Variants in EPHB1 observed in about 807,000 individuals in gnomAD.
EPHB1 encodes the protein EPH receptor B1, also known as ephrin type-B receptor 1.
Under a neutral mutation model 94.4 loss-of-function variants are expected in EPHB1, and 30 were observed. The ratio of observed to expected loss-of-function variants is 0.32; its 90% confidence interval spans 0.24 to 0.43. The LOEUF (loss-of-function observed/expected upper bound fraction) is 0.43, where lower values mean the gene tolerates loss of function less well. Ranked by LOEUF, EPHB1 falls within the 20% of genes least tolerant of loss-of-function variation. The pLI, the probability that EPHB1 is intolerant of heterozygous loss-of-function variation, is 1.00. For missense variants in EPHB1, 1,055 were observed against 1,308.3 expected (o/e 0.81, Z 2.99); for synonymous variants, 522 against 489.1 (o/e 1.07, Z -0.89).
chr3:134,951,476 A>G lies in EPHB1; in HGVS notation c.229A>G (p.Ile77Val), dbSNP rs1258501873. The G allele has an allele frequency of 8.7e-6, 14 of 1,610,394 alleles. No individual in the cohort carries two copies. The highest frequency in any genetic ancestry group is 1.2e-5 in the Non-Finnish European group (14 of 1,178,486). The change falls in exon 3 of 16, where the codon ATC becomes GTC. Residue 77 changes from isoleucine (I) to valine (V), a missense_variant. Ile to Val is a conservative substitution (Grantham distance 29). Coordinates refer to ENST00000398015, the MANE Select transcript of EPHB1 (RefSeq NM_004441.5). This position sits in a 1 kb window ranked among gnomAD's most constrained non-coding sequence, Gnocchi z 4.5. Reference sequence around the variant, plus strand: ...GAACAATTGGCTGCTCACCACCTTCATCAACCGGCGGGGGGCCCATCGCAT... The same window carrying G: ...GAACAATTGGCTGCTCACCACCTTCGTCAACCGGCGGGGGGCCCATCGCAT... Reference protein sequence around the residue: ...NQNNWLLTTFINRRGAHRIYT... With the variant: ...NQNNWLLTTFVNRRGAHRIYT...
At chr3:134,866,770 C>A (rs2037388582) in intron 1 of EPHB1, among the ~76,000 whole-genome samples, 1 of 152,218 alleles carries the variant, frequency 6.6e-6, no homozygotes. Flanking sequence ...AAGACAGATC[C>A]ATCTCTCCAG....
intron 4 of EPHB1, among the ~76,000 whole-genome samples, chr3:135,120,998 A>G (rs1421105262): frequency 6.6e-6 from 1 of 152,162 alleles, no homozygotes; most frequent in Non-Finnish European, 1.5e-5. Flanking sequence ...CAGAGGTTCC[A>G]TCCTATCTGC....
intron 12 of EPHB1, among the ~76,000 whole-genome samples, chr3:135,216,959 G>T (rs557921337): frequency 6.6e-6 from 1 of 152,108 alleles, no homozygotes. Flanking sequence ...AGGCAGTTCG[G>T]TGTGCCTGAT....
At chr3:134,992,705 CG>C (rs1559786216) in intron 3 of EPHB1, among the ~76,000 whole-genome samples, 1 of 151,864 alleles carries the variant, frequency 6.6e-6, no homozygotes, top group Non-Finnish European at 1.5e-5. Flanking sequence ...GGGGAGGAGA[CG>C]GGGAGCCTTG....
chr3:135,191,559 A>C (rs1375207768), intron 10 of EPHB1, among the ~76,000 whole-genome samples: 1 of 152,218 alleles, frequency 6.6e-6, no homozygotes, highest in Admixed American at 6.5e-5. Context: ...ACTGCTTCAC[A>C]TGAAAGAATT....
At chr3:134,915,624 C>G (rs940314125) in intron 1 of EPHB1, among the ~76,000 whole-genome samples, 3 of 152,118 alleles carry the variant, frequency 2.0e-5, no homozygotes, top group African/African-American at 2.4e-5. Context: ...TTCTGATGTT[C>G]AGATGTGTTC....
intron 3 of EPHB1, among the ~76,000 whole-genome samples, chr3:134,996,722 T>C (rs1195834905): frequency 6.6e-6 from 1 of 152,124 alleles, no homozygotes; most frequent in African/African-American, 2.4e-5. Flanking sequence ...ACGTTAAATC[T>C]TAGTTATATT....
chr3:134,813,058 C>T (rs1484160043), intron 1 of EPHB1, among the ~76,000 whole-genome samples: 2 of 152,112 alleles, frequency 1.3e-5, no homozygotes, highest in Non-Finnish European at 2.9e-5. Flanking sequence ...TAATTTGTAC[C>T]TGTGCTGGGT....
At chr3:135,248,906 C>A (rs1943996018) in intron 14 of EPHB1, among the ~76,000 whole-genome samples, 2 of 151,864 alleles carry the variant, frequency 1.3e-5, no homozygotes, top group South Asian at 4.2e-4. Context: ...GGTCTCACTG[C>A]TCCATTTTTT....
At chr3:134,946,955 A>T (rs1381248175) in intron 2 of EPHB1, among the ~76,000 whole-genome samples, 1 of 152,232 alleles carries the variant, frequency 6.6e-6, no homozygotes, top group Non-Finnish European at 1.5e-5. Flanking sequence ...AAATGGACTC[A>T]TACAGAGGGT....
intron 4 of EPHB1, among the ~76,000 whole-genome samples, chr3:135,126,617 G>A (rs1052533189): frequency 6.6e-6 from 1 of 152,188 alleles, no homozygotes; most frequent in Non-Finnish European, 1.5e-5. Flanking sequence ...GCTTGCTGGG[G>A]CTAGGTGGCC....
chr3:135,242,948 T>C (rs1355881611), intron 13 of EPHB1, among the ~76,000 whole-genome samples: 5 of 151,840 alleles, frequency 3.3e-5, no homozygotes, highest in African/African-American at 9.7e-5. Context: ...TGGTGGCACA[T>C]GCCTGTAATC....
At chr3:135,094,888 T>G (rs1938702713) in intron 3 of EPHB1, among the ~76,000 whole-genome samples, 3 of 152,178 alleles carry the variant, frequency 2.0e-5, no homozygotes, top group African/African-American at 7.2e-5. Flanking sequence ...CATTCCAAAG[T>G]CCAGAAGGCT....
chr3:134,814,663 G>T (rs573763860), intron 1 of EPHB1, among the ~76,000 whole-genome samples: 1 of 152,212 alleles, frequency 6.6e-6, no homozygotes, highest in Non-Finnish European at 1.5e-5. Flanking sequence ...TCAGTGACTT[G>T]TGCCTCTCTG....
At chr3:134,908,365 T>C (rs976437642) in intron 1 of EPHB1, among the ~76,000 whole-genome samples, 18 of 152,324 alleles carry the variant, frequency 1.2e-4, no homozygotes, top group African/African-American at 4.3e-4. Flanking sequence ...CCATAGGCTG[T>C]CTTGGGCCCA....
chr3:134,912,259 T>C (rs1285935773), intron 1 of EPHB1, among the ~76,000 whole-genome samples: 2 of 152,342 alleles, frequency 1.3e-5, no homozygotes, highest in East Asian at 3.9e-4. Context: ...TTCTTACTCA[T>C]GTGCCATTGG....
chr3:134,930,749 C>G (rs1015052361), intron 2 of EPHB1, among the ~76,000 whole-genome samples: 2 of 152,236 alleles, frequency 1.3e-5, no homozygotes, highest in Admixed American at 6.5e-5. Context: ...CACTCTGTCT[C>G]TCAGGTGTCA....
chr3:135,232,136 G>A (rs1020291528), intron 12 of EPHB1, among the ~76,000 whole-genome samples: 6 of 152,140 alleles, frequency 3.9e-5, no homozygotes, highest in African/African-American at 1.4e-4. Flanking sequence ...AACCTTTTAG[G>A]CAAAAACTTC....
intron 1 of EPHB1, among the ~76,000 whole-genome samples, chr3:134,865,792 A>G (rs1417131748): frequency 6.6e-6 from 1 of 152,252 alleles, no homozygotes; most frequent in Non-Finnish European, 1.5e-5. Flanking sequence ...AAAGCTAGTA[A>G]TTAAGACTCT....
Sources: gnomAD v4.1 joint callset for allele counts (sites outside exome capture counted in the v4.1 genomes callset) on GRCh38, gnomAD v4.1.1 for gene constraint, Gnocchi (gnomAD v3.1) non-coding constraint, MANE v1.5 for transcripts, NCBI Gene and HGNC (gene_info 2026-07-23, HGNC 2026-07-21) for gene names.